Variants in CAMK2D observed in about 807,000 individuals in gnomAD.
The protein encoded by CAMK2D is calcium/calmodulin dependent protein kinase II delta.
CAMK2D carries 37 observed loss-of-function variants against 84.0 expected under a neutral mutation model. That is an observed-to-expected ratio of 0.44 (90% CI 0.34 to 0.58). The LOEUF (loss-of-function observed/expected upper bound fraction) is 0.58, where lower values mean the gene tolerates loss of function less well. CAMK2D is among the 20% of genes least tolerant of loss of function. The pLI, the probability that CAMK2D is intolerant of heterozygous loss-of-function variation, is 0.02. For synonymous variants in CAMK2D, 202 were observed against 212.5 expected (o/e 0.95, Z 0.43); for missense variants, 448 against 652.5 (o/e 0.69, Z 3.41).
chr4:113,465,643 C>G, intron 16 of CAMK2D, 39 bp from the exon 17 acceptor site: 2 of 1,190,442 alleles, frequency 1.7e-6, no homozygotes, highest in Non-Finnish European at 2.5e-6. Flanking sequence ...GAATAAAAGA[C>G]AAAAGTCATA....
intron 16 of CAMK2D, among the ~76,000 whole-genome samples, chr4:113,489,330 C>T (rs1308529232): frequency 7.0e-6 from 1 of 143,636 alleles, no homozygotes; most frequent in Non-Finnish European, 1.5e-5. Flanking sequence ...TGATAGTCCC[C>T]TTCCTGTGTC....
rs541768204 is a variant in CAMK2D, at chr4:113,615,238, C to T, written c.221-6032G>A. 3.3e-5 allele frequency among the ~76,000 whole-genome samples: 5 copies of T among 152,024 alleles called. No individual in the cohort carries two copies. The South Asian group carries it at 8.3e-4, about 25-fold the overall frequency. On this transcript the variant is annotated intron_variant, in intron 3 of 20. Coordinates refer to ENST00000511664, the MANE Select transcript of CAMK2D (RefSeq NM_001321571.2). ...CCAAGTCTACCCCAAAAGAGGGAAG[C>T]CAACATTAAGTTCATTTGTAAATTA...
intron 2 of CAMK2D, among the ~76,000 whole-genome samples, chr4:113,753,273 T>C (rs927348957): frequency 6.6e-6 from 1 of 151,958 alleles, no homozygotes; most frequent in African/African-American, 2.4e-5. Flanking sequence ...TAATGGCTAT[T>C]AATATTTATA....
At chr4:113,569,367 A>C (rs1001049060) in intron 4 of CAMK2D, among the ~76,000 whole-genome samples, 2 of 152,224 alleles carry the variant, frequency 1.3e-5, no homozygotes, top group Non-Finnish European at 2.9e-5. Flanking sequence ...TCATAGCTTT[A>C]GCTCTTACAT....
chr4:113,490,652 A>C (rs959388557), intron 16 of CAMK2D, among the ~76,000 whole-genome samples: 2 of 151,868 alleles, frequency 1.3e-5, no homozygotes, highest in African/African-American at 4.8e-5. Flanking sequence ...TATGAACTTT[A>C]AAGTAGTTTT....
At chr4:113,706,224 T>C (rs1431521361) in intron 2 of CAMK2D, among the ~76,000 whole-genome samples, 1 of 152,170 alleles carries the variant, frequency 6.6e-6, no homozygotes, top group East Asian at 1.9e-4. Context: ...TCAAGTACTG[T>C]ACAGCACTTA....
chr4:113,497,430 G>T, intron 16 of CAMK2D, among the ~76,000 whole-genome samples: 1 of 152,326 alleles, frequency 6.6e-6, no homozygotes, highest in South Asian at 2.1e-4. Flanking sequence ...AATTAGAAGA[G>T]CTGAAGGAAA....
At chr4:113,476,625 G>A (rs1374146845) in intron 16 of CAMK2D, among the ~76,000 whole-genome samples, 2 of 152,114 alleles carry the variant, frequency 1.3e-5, no homozygotes, top group Non-Finnish European at 2.9e-5. Flanking sequence ...AATTATGGTA[G>A]AGTCTTGAAT....
chr4:113,537,085 TTCTC>T (rs1378384344), intron 7 of CAMK2D, among the ~76,000 whole-genome samples: 2 of 152,196 alleles, frequency 1.3e-5, no homozygotes, highest in African/African-American at 4.8e-5. Flanking sequence ...ATAATGTACT[TTCTC>T]AATCATCCTT....
At chr4:113,745,848 T>C (rs1026256793) in intron 2 of CAMK2D, among the ~76,000 whole-genome samples, 17 of 152,224 alleles carry the variant, frequency 1.1e-4, no homozygotes, top group African/African-American at 4.1e-4. Flanking sequence ...GGATTTCAGC[T>C]GGATAACGCT....
At chr4:113,526,957 C>T (rs2098423046) in intron 8 of CAMK2D, among the ~76,000 whole-genome samples, 1 of 147,596 alleles carries the variant, frequency 6.8e-6, no homozygotes, top group Admixed American at 6.8e-5. Flanking sequence ...TTTTTACACA[C>T]TGAAGGTTTA....
intron 2 of CAMK2D, among the ~76,000 whole-genome samples, chr4:113,669,546 G>A (rs1217675875): frequency 5.9e-5 from 9 of 151,910 alleles, no homozygotes; most frequent in African/African-American, 2.2e-4. Context: ...GGAAGGAGAT[G>A]GGCAGGAAAC....
At chr4:113,575,245 TTA>T (rs894143318) in intron 4 of CAMK2D, among the ~76,000 whole-genome samples, 2 of 152,162 alleles carry the variant, frequency 1.3e-5, no homozygotes, top group African/African-American at 4.8e-5. Context: ...AGAACTAATA[TTA>T]TGTGTCTGTA....
At chr4:113,754,958 T>C in intron 2 of CAMK2D, 1 of 984,854 alleles carries the variant, frequency 1.0e-6, no homozygotes, top group Non-Finnish European at 1.2e-6. Context: ...AATTTTAATT[T>C]GTCCAAATTG....
intron 3 of CAMK2D, among the ~76,000 whole-genome samples, chr4:113,626,824 A>G (rs919683833): frequency 6.6e-6 from 1 of 152,180 alleles, no homozygotes; most frequent in Non-Finnish European, 1.5e-5. Context: ...ATAATTCACA[A>G]TGTTTTAAAA....
At position 113,514,412 on chromosome 4, in the gene CAMK2D, T is replaced by TCAAAA. The variant is rs547373814; in HGVS notation, c.820-504_820-500dup. On this transcript the variant is annotated intron_variant, in intron 10 of 20. Coordinates refer to ENST00000511664, the MANE Select transcript of CAMK2D (RefSeq NM_001321571.2). ...TGGGTGACAAGAGCAAGACTCTGTC[T>TCAAAA]CAAAACAAAACAAAACCAAACCAGA... Among the ~76,000 whole-genome samples the TCAAAA allele has an allele frequency of 5.6e-3, 857 of 152,220 alleles. 7 individuals are homozygous for TCAAAA. Among genetic ancestry groups the TCAAAA allele is most frequent in the African/African-American group, 0.02 (824 of 41,518 alleles).
chr4:113,506,096 T>C (rs531320654), intron 13 of CAMK2D, among the ~76,000 whole-genome samples: 1 of 152,264 alleles, frequency 6.6e-6, no homozygotes, highest in South Asian at 2.1e-4. Context: ...ATATAGATAA[T>C]GATGTAAAGA....
intron 4 of CAMK2D, among the ~76,000 whole-genome samples, chr4:113,584,358 G>A (rs949745862): frequency 3.7e-4 from 56 of 152,198 alleles, no homozygotes; most frequent in Non-Finnish European, 1.5e-5. Flanking sequence ...TGTGTGAGTT[G>A]TAGAATGTGA....
chr4:113,538,550 C>G (rs1012348892), intron 6 of CAMK2D, among the ~76,000 whole-genome samples: 1 of 152,096 alleles, frequency 6.6e-6, no homozygotes, highest in African/African-American at 2.4e-5. Context: ...TCTACAAATG[C>G]CAAAACGATT....
Sources: gnomAD v4.1 joint callset for allele counts (sites outside exome capture counted in the v4.1 genomes callset) on GRCh38, gnomAD v4.1.1 for gene constraint, MANE v1.5 for transcripts, NCBI Gene and HGNC (gene_info 2026-07-23, HGNC 2026-07-21) for gene names.